The following CTF1 variants were observed in gnomAD, a reference collection of about 807,000 sequenced individuals.
CTF1 encodes cardiotrophin-1.
Under a neutral mutation model 10.9 loss-of-function variants are expected in CTF1, and 9 were observed. The ratio of observed to expected loss-of-function variants is 0.83; its 90% confidence interval spans 0.50 to 1.44. CTF1 has a LOEUF of 1.44. Ranked by LOEUF, CTF1 falls within the 40% of genes most tolerant of loss-of-function variation. The pLI, the probability that CTF1 is intolerant of heterozygous loss-of-function variation, is 0.00. For synonymous variants in CTF1, 133 were observed against 138.8 expected (o/e 0.96, Z 0.29); for missense variants, 259 against 275.3 (o/e 0.94, Z 0.42).
chr16:30,902,493 G>A lies in CTF1; in HGVS notation c.560G>A (p.Arg187His). The A allele has an allele frequency of 2.0e-6, 3 of 1,485,292 alleles. No individual in the cohort carries two copies. The highest frequency in any genetic ancestry group is 2.8e-5 in the East Asian group (1 of 35,142). 92.0% of individuals were successfully genotyped at this position (1,485,292 alleles called of 1,614,324 possible). A position where few individuals can be genotyped will look rare whatever the true frequency, so the allele number is the denominator to read the frequency against. ...VCGLYREWLSRTEGDLGQLLP... is the reference protein window; with the variant it reads ...VCGLYREWLSHTEGDLGQLLP... The stretch of plus-strand genomic sequence containing the variant: ...GGCCTCTACCGCGAGTGGCTGAGCC[G>A]CACCGAGGGCGACCTGGGCCAGCTG... The change falls in exon 3 of 3, where the codon CGC becomes CAC. Residue 187 changes from arginine (R) to histidine (H), a missense_variant. Physicochemically the swap from Arg to His is conservative, Grantham distance 29. Coordinates refer to ENST00000279804, the MANE Select transcript of CTF1 (RefSeq NM_001330.5).
At chr16:30,901,036 G>A (rs866605672) in intron 2 of CTF1, among the ~76,000 whole-genome samples, 3 of 152,036 alleles carry the variant, frequency 2.0e-5, no homozygotes, top group African/African-American at 4.8e-5. Flanking sequence ...TGGGATTACA[G>A]TCACCACCAC....
At chr16:30,901,173 G>T (rs986856910) in intron 2 of CTF1, among the ~76,000 whole-genome samples, 1 of 152,124 alleles carries the variant, frequency 6.6e-6, no homozygotes, top group Non-Finnish European at 1.5e-5. Flanking sequence ...GATTACAGGC[G>T]TGAGTCACCG....
upstream of CTF1, chr16:30,896,601 G>A (rs377457024): frequency 8.0e-7 from 1 of 1,253,572 alleles, no homozygotes; most frequent in South Asian, 3.8e-5. Flanking sequence ...CTCCCCCCTC[G>A]AAAGGGGGGC....
Position 30,902,225 on chromosome 16 carries a change from C to A in CTF1, c.292C>A (p.Pro98Thr). Residue 98 changes from proline (P) to threonine (T), a missense_variant, in exon 3 of 3, where the codon CCC (proline) becomes ACC (threonine). Physicochemically the swap from Pro to Thr is conservative, Grantham distance 38. Coordinates refer to ENST00000279804, the MANE Select transcript of CTF1 (RefSeq NM_001330.5). ...GGACGCGGCGGCGCTGGCCGCGCTG[C>A]CCCCGCTGCTGGACGCAGTGTGTCG... ...RLDAAALAALPPLLDAVCRRQ... is the reference protein window; with the variant it reads ...RLDAAALAALTPLLDAVCRRQ... 1.7e-6 allele frequency: 2 copies of A among 1,146,104 alleles called. No homozygotes were observed. Among genetic ancestry groups the A allele is most frequent in the South Asian group, 4.2e-5 (1 of 23,796 alleles). The allele number at this position is 1,146,104 out of a possible 1,614,324, so 71.0% of individuals were successfully genotyped here.
upstream of CTF1, chr16:30,896,530 T>G: frequency 6.3e-6 from 6 of 946,182 alleles, no homozygotes; most frequent in African/African-American, 1.7e-5. Context: ...TAGGATGAAA[T>G]GTTTGGGGTC....
chr16:30,902,311 G>A lies in CTF1; in HGVS notation c.378G>A (p.Ala126=). The change falls in exon 3 of 3, where the codon GCG becomes GCA. Residue 126 remains alanine, a synonymous_variant. Coordinates refer to ENST00000279804, the MANE Select transcript of CTF1 (RefSeq NM_001330.5). Reference sequence around the variant, plus strand: ...TGCTGCGCCGCCTGGAGGACGCGGCGCGCCAGGCCCGGGCCCTGGGCGCCG... The same window carrying A: ...TGCTGCGCCGCCTGGAGGACGCGGCACGCCAGGCCCGGGCCCTGGGCGCCG... ...PRLLRRLEDA[A]RQARALGAAV... is the part of the protein sequence containing the mutation. 4.0e-6 allele frequency: 4 copies of A among 1,005,302 alleles called. No individual in the cohort carries two copies. The highest frequency in any genetic ancestry group is 4.7e-6 in the Non-Finnish European group (4 of 845,660). 62.3% of individuals were successfully genotyped at this position (1,005,302 alleles called of 1,614,324 possible).
chr16:30,899,545 TGGGGGTGGGGGTGCCGGGGGCCTG>T lies in CTF1; in HGVS notation c.144+16_144+39del. On this transcript the variant is annotated intron_variant, in intron 2 of 2. Transcript: ENST00000279804. ...TGCTCCAGGAATATGTGAGTGGGAA[TGGGGGTGGGGGTGCCGGGGGCCTG>T]GGGAATGGGAGCAGACATCACAGAG... 1 of 453,104 alleles carries T rather than the reference TGGGGGTGGGGGTGCCGGGGGCCTG, an allele frequency of 2.2e-6. No homozygotes were observed. Among genetic ancestry groups the T allele is most frequent in the Non-Finnish European group, 3.9e-6 (1 of 256,692 alleles). 28.1% of individuals were successfully genotyped at this position (453,104 alleles called of 1,614,324 possible). A position where few individuals can be genotyped will look rare whatever the true frequency, so the allele number is the denominator to read the frequency against.
rs2055425532 is a variant in CTF1, at chr16:30,903,376, C to T, written c.*837C>T. ...TCTGCCACACCCCATCCCTTTGGGCCTCAGCCCTGTCCCTTTGATGTCCTC... is the reference window on the plus strand; with the variant it reads ...TCTGCCACACCCCATCCCTTTGGGCTTCAGCCCTGTCCCTTTGATGTCCTC... On this transcript the variant is annotated 3_prime_UTR_variant, in exon 3 of 3. Coordinates refer to ENST00000279804, the MANE Select transcript of CTF1 (RefSeq NM_001330.5). 6.5e-6 allele frequency: 1 copy of T among 154,258 alleles called. No homozygotes were observed. Among genetic ancestry groups the T allele is most frequent in the Admixed American group, 6.5e-5 (1 of 15,290 alleles). The allele number at this position is 154,258 out of a possible 1,614,324, so 9.6% of individuals were successfully genotyped here. A position where few individuals can be genotyped will look rare whatever the true frequency, so the allele number is the denominator to read the frequency against.
Position 30,902,206 on chromosome 16 carries a change from G to T in CTF1, c.273G>T (p.Ala91=). The T allele has an allele frequency of 8.5e-7, 1 of 1,172,688 alleles. No individual in the cohort carries two copies. Among genetic ancestry groups the T allele is most frequent in the Non-Finnish European group, 1.1e-6 (1 of 951,872 alleles). The allele number at this position is 1,172,688 out of a possible 1,614,324, so 72.6% of individuals were successfully genotyped here. Reference sequence around the variant, plus strand: ...TGCACGAGCGGCTGCGGCTGGACGCGGCGGCGCTGGCCGCGCTGCCCCCGC... The same window carrying T: ...TGCACGAGCGGCTGCGGCTGGACGCTGCGGCGCTGGCCGCGCTGCCCCCGC... The part of the protein sequence containing the change: ...LPVHERLRLD[A]AALAALPPLL... The change falls in exon 3 of 3, where the codon GCG becomes GCT. Residue 91 remains alanine, a synonymous_variant. Coordinates refer to ENST00000279804, the MANE Select transcript of CTF1 (RefSeq NM_001330.5).
In CTF1 at chr16:30,902,528, G is replaced by A. The variant is rs1279178742; in HGVS notation, c.595G>A (p.Gly199Ser). The A allele has an allele frequency of 1.3e-6, 2 of 1,497,718 alleles. No homozygotes were observed. Among genetic ancestry groups the A allele is most frequent in the Non-Finnish European group, 1.8e-6 (2 of 1,128,332 alleles). The allele number at this position is 1,497,718 out of a possible 1,614,324, so 92.8% of individuals were successfully genotyped here. The change falls in exon 3 of 3, where the codon GGC (glycine) becomes AGC (serine). Residue 199 changes from glycine to serine, a missense_variant. Physicochemically the swap from Gly to Ser is moderately conservative, Grantham distance 56. Coordinates refer to ENST00000279804, the MANE Select transcript of CTF1 (RefSeq NM_001330.5). ...EGDLGQLLPG[G>S]SA ...CGACCTGGGCCAGCTGCTGCCCGGG[G>A]GCTCGGCCTGAGCGCCGCGGGGCAG... is the stretch of plus-strand genomic sequence containing the variant.
In CTF1 at chr16:30,902,506, C is replaced by A. The variant is rs549844379; in HGVS notation, c.573C>A (p.Asp191Glu). The change falls in exon 3 of 3, where the codon GAC (aspartate) becomes GAA (glutamate). Residue 191 changes from aspartate (D) to glutamate (E), a missense_variant. Physicochemically the swap from Asp to Glu is conservative, Grantham distance 45. Coordinates refer to ENST00000279804, the MANE Select transcript of CTF1 (RefSeq NM_001330.5). ...AGTGGCTGAGCCGCACCGAGGGCGA[C>A]CTGGGCCAGCTGCTGCCCGGGGGCT... The part of the protein sequence containing the change: ...YREWLSRTEG[D>E]LGQLLPGGSA The A allele has an allele frequency of 3.3e-6, 5 of 1,492,784 alleles. No homozygotes were observed. In the South Asian group the frequency reaches 3.7e-5, roughly 11 times the overall value. 92.5% of individuals were successfully genotyped at this position (1,492,784 alleles called of 1,614,324 possible).
At chr16:30,900,574 G>C (rs1163999005) in intron 2 of CTF1, among the ~76,000 whole-genome samples, 1 of 151,832 alleles carries the variant, frequency 6.6e-6, no homozygotes, top group East Asian at 1.9e-4. Flanking sequence ...GACCAGCCTG[G>C]GTAACACAGT....
rs575238841 is a variant in CTF1 at position 30,898,401 on chromosome 16, C to T, written c.26-1014C>T. Among the ~76,000 whole-genome samples the T allele has an allele frequency of 8.3e-4, 126 of 152,250 alleles. 1 individual carries two copies. Among genetic ancestry groups the T allele is most frequent in the African/African-American group, 3.0e-3 (124 of 41,534 alleles). On this transcript the variant is annotated intron_variant, in intron 1 of 2. Transcript: ENST00000279804. ...TCCTGACTTCAAGTGATCCGCCCGC[C>T]TCATCCTCCCAAAGTGTGGGATTAA...
Position 30,896,684 on chromosome 16 carries a change from A to T in CTF1, c.25+16A>T. ...GGAAGTCTGGGTAAGGGGCTGAGGG[A>T]CCGGACGCCGGGTCGCTGAGGGGCG... On this transcript the variant is annotated intron_variant, in intron 1 of 2. Transcript: ENST00000279804. 3.2e-6 allele frequency: 4 copies of T among 1,252,068 alleles called. No individual in the cohort carries two copies. The highest frequency in any genetic ancestry group is 4.0e-6 in the Non-Finnish European group (4 of 989,810). 77.6% of individuals were successfully genotyped at this position (1,252,068 alleles called of 1,614,324 possible). A position where few individuals can be genotyped will look rare whatever the true frequency, so the allele number is the denominator to read the frequency against.
chr16:30,901,743 ATTTTT>A (rs757616467), intron 2 of CTF1, among the ~76,000 whole-genome samples: 1 of 97,790 alleles, frequency 1.0e-5, no homozygotes, highest in Non-Finnish European at 1.9e-5. Flanking sequence ...CACACTCGCT[ATTTTT>A]TTTTTTTTTT....
Position 30,902,058 on chromosome 16 carries a change from C to T in CTF1, c.145-20C>T, listed in dbSNP as rs1468184847. 2.1e-6 allele frequency: 3 copies of T among 1,444,928 alleles called. No individual in the cohort carries two copies. The highest frequency in any genetic ancestry group is 2.6e-5 in the South Asian group (2 of 75,614). The allele number at this position is 1,444,928 out of a possible 1,614,324, so 89.5% of individuals were successfully genotyped here. On this transcript the variant is annotated intron_variant, in intron 2 of 2. Transcript: ENST00000279804. ...CCCGTGCTCCGGGGCCCCGCTGACC[C>T]GCCGGCCGTGTCTCCGCAGGTGCAG... is the stretch of plus-strand genomic sequence containing the variant.
chr16:30,898,451 C>G (rs998175569), intron 1 of CTF1, among the ~76,000 whole-genome samples: 2 of 152,094 alleles, frequency 1.3e-5, no homozygotes, highest in African/African-American at 4.8e-5. Context: ...GAGCCCAATG[C>G]CTGGCTAATT....
rs2055409720 is a variant in CTF1 at position 30,902,325 on chromosome 16, C to T, written c.392C>T (p.Ala131Val). The change falls in exon 3 of 3, where the codon GCC becomes GTC. Residue 131 changes from alanine (A) to valine (V), a missense_variant. Ala to Val is a moderately conservative substitution (Grantham distance 64, BLOSUM62 0). Coordinates refer to ENST00000279804, the MANE Select transcript of CTF1 (RefSeq NM_001330.5). ...GAGGACGCGGCGCGCCAGGCCCGGG[C>T]CCTGGGCGCCGCCGTGGAGGCCTTG... ...RLEDAARQAR[A>V]LGAAVEALLA... The T allele has an allele frequency of 9.8e-7, 1 of 1,023,240 alleles. No individual in the cohort carries two copies. The highest frequency in any genetic ancestry group is 4.4e-5 in the South Asian group (1 of 22,572). The allele number at this position is 1,023,240 out of a possible 1,614,324, so 63.4% of individuals were successfully genotyped here. A position where few individuals can be genotyped will look rare whatever the true frequency, so the allele number is the denominator to read the frequency against.
intron 1 of CTF1, among the ~76,000 whole-genome samples, chr16:30,897,485 C>A (rs575101182): frequency 9.2e-5 from 14 of 152,232 alleles, no homozygotes; most frequent in African/African-American, 3.4e-4. Flanking sequence ...AAAAGAGCTA[C>A]CCTGGAACTC....
Sources: allele counts gnomAD v4.1 joint callset (sites outside exome capture counted in the v4.1 genomes callset), GRCh38; gene constraint gnomAD v4.1.1; transcripts MANE v1.5; gene names NCBI Gene and HGNC (gene_info 2026-07-23, HGNC 2026-07-21).